The following CADM2 variants were observed in gnomAD, a reference collection of about 807,000 sequenced individuals.
CADM2 encodes the protein immunoglobulin superfamily member 4D.
CADM2 carries 12 observed loss-of-function variants against 49.8 expected under a neutral mutation model. The ratio of observed to expected loss-of-function variants is 0.24; its 90% CI spans 0.15 to 0.39. The LOEUF is 0.39. CADM2 is among the 10% of genes least tolerant of loss of function. CADM2 has a pLI of 1.00. For missense variants in CADM2, 378 were observed against 492.3 expected (o/e 0.77, Z 2.20); for synonymous variants, 214 against 175.4 (o/e 1.22, Z -1.74).
At chr3:85,208,099 T>C (rs2041694749) in intron 1 of CADM2, among the ~76,000 whole-genome samples, 1 of 152,196 alleles carries the variant, frequency 6.6e-6, no homozygotes, top group Non-Finnish European at 1.5e-5. Context: ...ATGAAGGCAC[T>C]AAATGTTAGC....
chr3:85,569,723 A>C (rs2062424359), intron 1 of CADM2, among the ~76,000 whole-genome samples: 1 of 151,952 alleles, frequency 6.6e-6, no homozygotes, highest in African/African-American at 2.4e-5. Flanking sequence ...AAGAAAAAAA[A>C]AAGAAAATAG....
At chr3:85,963,968 G>A (rs1194688697) in intron 8 of CADM2, among the ~76,000 whole-genome samples, 7 of 151,840 alleles carry the variant, frequency 4.6e-5, no homozygotes, top group South Asian at 2.1e-4. Context: ...TGAGAGGCTC[G>A]ATGAAACAGT....
chr3:85,089,350 T>C (rs1445382050), intron 1 of CADM2, among the ~76,000 whole-genome samples: 1 of 152,138 alleles, frequency 6.6e-6, no homozygotes, highest in East Asian at 1.9e-4. Flanking sequence ...TTTTTCTCTC[T>C]TGAATATTTT....
chr3:85,526,448 T>C (rs1022516781), intron 1 of CADM2, among the ~76,000 whole-genome samples: 2 of 152,138 alleles, frequency 1.3e-5, no homozygotes, highest in Non-Finnish European at 2.9e-5. Flanking sequence ...CTAGGAATTA[T>C]GGAAGTAGGT....
At chr3:86,040,773 A>G (rs7631046) in intron 8 of CADM2, among the ~76,000 whole-genome samples, 5,472 of 152,256 alleles carry the variant, frequency 0.036, 329 homozygotes, top group African/African-American at 0.12. Flanking sequence ...TCCAAGACAC[A>G]TAATTGTCAG....
rs1418660428 is a variant in CADM2, at chr3:85,005,831, C to T, written c.61+46163C>T. 2.6e-5 allele frequency among the ~76,000 whole-genome samples: 4 copies of T among 151,974 alleles called. No homozygotes were observed. The South Asian group carries it at 6.2e-4, about 24-fold the overall frequency. On this transcript the variant is annotated intron_variant, in intron 1 of 9. Transcript: ENST00000383699. ...TGTGTGTGTTGTATTTTTCAATTAC[C>T]AACTCTGAGGAGTTTAGCAATGAAT...
chr3:85,827,339 A>G (rs973392955), intron 3 of CADM2, among the ~76,000 whole-genome samples: 8 of 152,124 alleles, frequency 5.3e-5, no homozygotes, highest in Non-Finnish European at 1.2e-4. Context: ...AATAGCTGTC[A>G]AAATTCGTAT....
intron 1 of CADM2, among the ~76,000 whole-genome samples, chr3:85,372,702 T>A (rs1388094769): frequency 6.6e-6 from 1 of 152,038 alleles, no homozygotes; most frequent in African/African-American, 2.4e-5. Context: ...ACTGGGTAAT[T>A]TATAAAGAAA....
intron 6 of CADM2, among the ~76,000 whole-genome samples, chr3:85,932,734 G>T (rs1054494081): frequency 6.6e-6 from 1 of 152,102 alleles, no homozygotes; most frequent in African/African-American, 2.4e-5. Context: ...TTCTGTTTTT[G>T]TGTGTGTGTG....
At position 85,753,691 on chromosome 3, in the gene CADM2, C is replaced by T. The variant is rs140855928; in HGVS notation, c.88+27143C>T. ...TGAGCAGACAATATAGGAACTAGAA[C>T]AGGTGAGTACAAAGCGTGCAGTAAG... On this transcript the variant is annotated intron_variant, in intron 2 of 9. Coordinates refer to ENST00000383699, the MANE Select transcript of CADM2 (RefSeq NM_001167675.2). Among the ~76,000 whole-genome samples the T allele has an allele frequency of 3.8e-4, 58 of 152,180 alleles. No homozygotes were observed. The East Asian group carries it at 8.7e-3, about 23-fold the overall frequency.
intron 5 of CADM2, among the ~76,000 whole-genome samples, chr3:85,910,396 G>A (rs943317828): frequency 2.0e-5 from 3 of 152,052 alleles, no homozygotes; most frequent in Non-Finnish European, 2.9e-5. Flanking sequence ...AGACTGAAAA[G>A]TGAAAGAACC....
chr3:85,302,342 TTC>T (rs1307280391), intron 1 of CADM2, among the ~76,000 whole-genome samples: 2 of 152,072 alleles, frequency 1.3e-5, no homozygotes, highest in African/African-American at 4.8e-5. Flanking sequence ...TCCCATTTTT[TTC>T]TGTTTGTAAC....
intron 1 of CADM2, among the ~76,000 whole-genome samples, chr3:85,281,505 C>T (rs2043497684): frequency 6.6e-6 from 1 of 151,796 alleles, no homozygotes; most frequent in Admixed American, 6.6e-5. Flanking sequence ...TAGAGTAAAA[C>T]ATTTTAGATA....
At chr3:84,974,457 T>G (rs1048311901) in intron 1 of CADM2, among the ~76,000 whole-genome samples, 3 of 152,038 alleles carry the variant, frequency 2.0e-5, no homozygotes, top group Admixed American at 6.6e-5. Context: ...GAGTATAGTT[T>G]TATATTAAAT....
chr3:85,890,511 G>A (rs182316973), intron 5 of CADM2, among the ~76,000 whole-genome samples: 1 of 152,180 alleles, frequency 6.6e-6, no homozygotes, highest in African/African-American at 2.4e-5. Flanking sequence ...ACAGAACTAT[G>A]TTTTAGGGCT....
chr3:85,746,153 A>AGGTTCT (rs2068612107), intron 2 of CADM2, among the ~76,000 whole-genome samples: 1 of 152,230 alleles, frequency 6.6e-6, no homozygotes, highest in Non-Finnish European at 1.5e-5. Flanking sequence ...GAGCAACTAG[A>AGGTTCT]ACCTCATTAT....
intron 1 of CADM2, among the ~76,000 whole-genome samples, chr3:85,309,792 A>G (rs941447362): frequency 6.6e-6 from 1 of 152,182 alleles, no homozygotes; most frequent in Non-Finnish European, 1.5e-5. Context: ...TCAGATCATC[A>G]CAATGGTACA....
At chr3:85,110,916 A>T (rs556225935) in intron 1 of CADM2, among the ~76,000 whole-genome samples, 2 of 151,862 alleles carry the variant, frequency 1.3e-5, no homozygotes, top group Non-Finnish European at 2.9e-5. Context: ...AGCAAATGAG[A>T]TCATTTGACT....
At chr3:85,797,758 C>G (rs1475564198) in intron 2 of CADM2, among the ~76,000 whole-genome samples, 1 of 152,078 alleles carries the variant, frequency 6.6e-6, no homozygotes, top group East Asian at 1.9e-4. Context: ...GATTTATAAT[C>G]CTTTGGGTAT....
Sources: gnomAD v4.1 joint callset for allele counts (sites outside exome capture counted in the v4.1 genomes callset) on GRCh38, gnomAD v4.1.1 for gene constraint, MANE v1.5 for transcripts, NCBI Gene and HGNC (gene_info 2026-07-23, HGNC 2026-07-21) for gene names.